Variants in RAPGEF5 observed in about 807,000 individuals in gnomAD.
The protein encoded by RAPGEF5 is Rap guanine nucleotide exchange factor 5.
A neutral mutation model predicts 125.2 loss-of-function variants in RAPGEF5; 65 were observed. The ratio of observed to expected loss-of-function variants is 0.52; its 90% confidence interval spans 0.43 to 0.64. RAPGEF5 has a LOEUF of 0.64. Ranked by LOEUF, RAPGEF5 falls within the 30% of genes least tolerant of loss-of-function variation. The pLI is 0.00. For synonymous variants in RAPGEF5, 391 were observed against 385.9 expected (o/e 1.01, Z -0.16); for missense variants, 958 against 1,048.1 (o/e 0.91, Z 1.19).
At chr7:22,309,122 C>T (rs1783412451) in intron 4 of RAPGEF5, among the ~76,000 whole-genome samples, 1 of 152,194 alleles carries the variant, frequency 6.6e-6, no homozygotes, top group Non-Finnish European at 1.5e-5. Context: ...GAATCAAGAG[C>T]TAGAGATTTT....
Position 22,356,876 on chromosome 7 carries a change from C to A in RAPGEF5, c.185G>T (p.Arg62Leu). Residue 62 changes from arginine to leucine, a missense_variant, in exon 1 of 26, where the codon CGG becomes CTG. By Grantham distance (102) the Arg-to-Leu change is moderately radical. Transcript: ENST00000665637. ...PRLRDLPALLRSGLTLRRKRS... is the reference protein window; with the variant it reads ...PRLRDLPALLLSGLTLRRKRS... Reference sequence around the variant, plus strand: ...CTTCCTCCGCAGCGTGAGCCCGCTCCGCAGCAGCGCGGGCAGGTCCCTCAG... The same window carrying A: ...CTTCCTCCGCAGCGTGAGCCCGCTCAGCAGCAGCGCGGGCAGGTCCCTCAG... 1 of 1,156,232 alleles carries A rather than the reference C, an allele frequency of 8.6e-7. No individual in the cohort carries two copies. The highest frequency in any genetic ancestry group is 1.1e-6 in the Non-Finnish European group (1 of 939,784). The allele number at this position is 1,156,232 out of a possible 1,614,324, so 71.6% of individuals were successfully genotyped here.
At chr7:22,330,923 G>A (rs534108214) in intron 1 of RAPGEF5, among the ~76,000 whole-genome samples, 3 of 152,208 alleles carry the variant, frequency 2.0e-5, no homozygotes, top group African/African-American at 7.2e-5. Flanking sequence ...TATGTAAACC[G>A]CATATCAATT....
intron 11 of RAPGEF5, among the ~76,000 whole-genome samples, chr7:22,171,716 T>C (rs1177562534): frequency 6.6e-6 from 1 of 152,192 alleles, no homozygotes; most frequent in Non-Finnish European, 1.5e-5. Flanking sequence ...GCCAGGCTGG[T>C]CTCAAACTTC....
intron 5 of RAPGEF5, among the ~76,000 whole-genome samples, chr7:22,291,858 T>G (rs1449880219): frequency 6.6e-6 from 1 of 151,946 alleles, no homozygotes; most frequent in Non-Finnish European, 1.5e-5. Context: ...AAGATCAGTT[T>G]GTTTGTTTGT....
intron 6 of RAPGEF5, among the ~76,000 whole-genome samples, chr7:22,277,851 T>A (rs1782593317): frequency 6.6e-6 from 1 of 152,180 alleles, no homozygotes; most frequent in African/African-American, 2.4e-5. Context: ...TAAAAGCTCA[T>A]ATGTTTAGAC....
At chr7:22,286,325 CA>C (rs1255691779) in intron 6 of RAPGEF5, among the ~76,000 whole-genome samples, 1 of 152,164 alleles carries the variant, frequency 6.6e-6, no homozygotes, top group East Asian at 1.9e-4. Flanking sequence ...CCCATCTTAC[CA>C]AATAGGCATC....
At chr7:22,283,452 G>C (rs1782721859) in intron 6 of RAPGEF5, among the ~76,000 whole-genome samples, 1 of 151,918 alleles carries the variant, frequency 6.6e-6, no homozygotes, top group South Asian at 2.1e-4. Context: ...TCTATATATG[G>C]GCACACCATA....
intron 1 of RAPGEF5, among the ~76,000 whole-genome samples, chr7:22,322,216 G>A (rs1783728399): frequency 1.3e-5 from 2 of 151,592 alleles, no homozygotes; most frequent in South Asian, 4.2e-4. Flanking sequence ...GCTCACTGCA[G>A]CCTTGACCTC....
chr7:22,204,257 T>G (rs984493178), intron 9 of RAPGEF5, among the ~76,000 whole-genome samples: 10 of 152,244 alleles, frequency 6.6e-5, no homozygotes, highest in African/African-American at 2.4e-4. Flanking sequence ...AGTGAAGAAC[T>G]AATTCATAAA....
At chr7:22,173,075 A>G (rs887453571) in intron 11 of RAPGEF5, among the ~76,000 whole-genome samples, 8 of 152,226 alleles carry the variant, frequency 5.3e-5, no homozygotes, top group African/African-American at 1.9e-4. Context: ...AAGGCACTCT[A>G]AAATATATTC....
At chr7:22,349,023 G>T (rs1248887355) in intron 1 of RAPGEF5, among the ~76,000 whole-genome samples, 1 of 151,608 alleles carries the variant, frequency 6.6e-6, no homozygotes, top group Non-Finnish European at 1.5e-5. Context: ...CCCAGAGGTG[G>T]ACGTTGCATG....
At chr7:22,205,352 A>G (rs550670000) in intron 9 of RAPGEF5, among the ~76,000 whole-genome samples, 11 of 152,294 alleles carry the variant, frequency 7.2e-5, no homozygotes, top group African/African-American at 2.6e-4. Context: ...TAAATATCCA[A>G]TGAACTGGAA....
chr7:22,288,673 C>T (rs1282707887), intron 6 of RAPGEF5, among the ~76,000 whole-genome samples: 1 of 152,114 alleles, frequency 6.6e-6, no homozygotes, highest in Non-Finnish European at 1.5e-5. Flanking sequence ...CAGGTGCCCG[C>T]CACCACGCCC....
chr7:22,226,848 A>G (rs1785931037), intron 8 of RAPGEF5, among the ~76,000 whole-genome samples: 1 of 152,178 alleles, frequency 6.6e-6, no homozygotes, highest in Admixed American at 6.5e-5. Flanking sequence ...GGACAGACCC[A>G]TACTATAGAA....
At chr7:22,197,126 CTG>C (rs1254438795) in intron 9 of RAPGEF5, among the ~76,000 whole-genome samples, 1 of 152,150 alleles carries the variant, frequency 6.6e-6, no homozygotes, top group Non-Finnish European at 1.5e-5. Flanking sequence ...CTGCCTGACA[CTG>C]TAACATTTAC....
At chr7:22,227,999 T>C (rs1785961692) in intron 8 of RAPGEF5, among the ~76,000 whole-genome samples, 1 of 152,210 alleles carries the variant, frequency 6.6e-6, no homozygotes, top group Non-Finnish European at 1.5e-5. Flanking sequence ...TCTGCAAAGA[T>C]ACCATCTGGC....
intron 8 of RAPGEF5, 134 bp downstream of exon 8, chr7:22,230,712 C>T (rs1311038186): frequency 5.4e-6 from 4 of 746,358 alleles, no homozygotes; most frequent in Admixed American, 3.1e-5. Flanking sequence ...CAAAACTGAG[C>T]ACTTTATTCC....
At chr7:22,248,765 T>C (rs1786544168) in intron 7 of RAPGEF5, among the ~76,000 whole-genome samples, 2 of 152,038 alleles carry the variant, frequency 1.3e-5, no homozygotes, top group African/African-American at 2.4e-5. Context: ...AACTAGGAGG[T>C]AGGAAATGAG....
At chr7:22,291,504 C>T (rs921575101) in intron 5 of RAPGEF5, among the ~76,000 whole-genome samples, 5 of 152,176 alleles carry the variant, frequency 3.3e-5, no homozygotes, top group African/African-American at 1.2e-4. Flanking sequence ...CCCCATGATA[C>T]AGCAGAATAA....
Sources: allele counts gnomAD v4.1 joint callset (sites outside exome capture counted in the v4.1 genomes callset), GRCh38; gene constraint gnomAD v4.1.1; transcripts MANE v1.5; gene names NCBI Gene and HGNC (gene_info 2026-07-23, HGNC 2026-07-21).